The following ARHGAP45 variants were observed in gnomAD, a reference collection of about 807,000 sequenced individuals.
ARHGAP45 encodes rho GTPase-activating protein 45.
A neutral mutation model predicts 116.1 loss-of-function variants in ARHGAP45; 56 were observed. The ratio of observed to expected loss-of-function variants is 0.48; its 90% confidence interval spans 0.39 to 0.60. The LOEUF (loss-of-function observed/expected upper bound fraction) is 0.60. Ranked by LOEUF, ARHGAP45 falls within the 20% of genes least tolerant of loss-of-function variation. The pLI is 0.00. For missense variants in ARHGAP45, 1,622 were observed against 1,601.0 expected, an observed-to-expected ratio of 1.01 and a Z score of -0.22; for synonymous variants, 866 against 701.7, an observed-to-expected ratio of 1.23 and a Z score of -3.70.
In ARHGAP45 at chr19:1,073,765, G is replaced by A. The variant is rs1298200529; in HGVS notation, c.723+19G>A. ...GAGCCAGGTGAGTGGGGTGGGCCAG[G>A]GCCACCTGTGTCCAGCTTCTGGAGG... On this transcript the variant is annotated intron_variant, in intron 5 of 22. Transcript: ENST00000313093. 3 of 1,570,922 alleles carry A rather than the reference G, an allele frequency of 1.9e-6. No homozygotes were observed. The highest frequency in any genetic ancestry group is 4.7e-5 in the East Asian group (2 of 42,568).
At chr19:1,078,268 C>T (rs368193332) in intron 11 of ARHGAP45, among the ~76,000 whole-genome samples, 13 of 151,462 alleles carry the variant, frequency 8.6e-5, no homozygotes, top group South Asian at 8.4e-4. Context: ...CTCAGCCTCC[C>T]GAGTAGCTGG....
At chr19:1,083,544 C>T (rs979458715) in intron 21 of ARHGAP45, among the ~76,000 whole-genome samples, 191 bp downstream of exon 21, 1 of 152,214 alleles carries the variant, frequency 6.6e-6, no homozygotes, top group Admixed American at 6.5e-5. Context: ...TGCATTGAAT[C>T]TGGCAGAGGT....
At chr19:1,080,201 G>T in intron 13 of ARHGAP45, 54 bp from the exon 14 acceptor site, 2 of 1,610,490 alleles carry the variant, frequency 1.2e-6, no homozygotes, top group Non-Finnish European at 1.7e-6. Flanking sequence ...GCATGAAGAT[G>T]AAGCTGTCTT....
chr19:1,070,325 T>G (rs1354094190), intron 2 of ARHGAP45, among the ~76,000 whole-genome samples: 3 of 138,054 alleles, frequency 2.2e-5, no homozygotes, highest in African/African-American at 8.7e-5. Context: ...TTTTCTTTTC[T>G]TTTCTTTTTT....
In ARHGAP45 at chr19:1,071,019, G is replaced by T. The variant is rs1049011761; in HGVS notation, c.422-2130G>T. ...AGGCAGCTAGGAGGGGACCCACATGGACGGTGCCACCCCGACACTTCCCGG... is the reference window on the plus strand; with the variant it reads ...AGGCAGCTAGGAGGGGACCCACATGTACGGTGCCACCCCGACACTTCCCGG... On this transcript the variant is annotated intron_variant, in intron 2 of 22. Coordinates refer to ENST00000313093, the MANE Select transcript of ARHGAP45 (RefSeq NM_012292.5). The surrounding 1 kb of genome is among the most constrained non-coding windows in gnomAD (Gnocchi z 4.6). 1.3e-5 allele frequency among the ~76,000 whole-genome samples: 2 copies of T among 152,202 alleles called. No individual in the cohort carries two copies. The highest frequency in any genetic ancestry group is 2.9e-5 in the Non-Finnish European group (2 of 68,024).
At chr19:1,082,028 TGG>T in intron 19 of ARHGAP45, 67 bp downstream of exon 19, 6 of 1,118,160 alleles carry the variant, frequency 5.4e-6, no homozygotes, top group Non-Finnish European at 6.7e-6. Flanking sequence ...GGAGGCGGGG[TGG>T]GGGTCCGGGA....
chr19:1,075,721 C>A (rs2269846), intron 10 of ARHGAP45, among the ~76,000 whole-genome samples: 1 of 151,990 alleles, frequency 6.6e-6, no homozygotes, highest in Admixed American at 6.6e-5. Flanking sequence ...TGCAATGATC[C>A]TCCCACCTCA....
chr19:1,071,750 C>G lies in ARHGAP45; in HGVS notation c.422-1399C>G, dbSNP rs1280783862. 2 of 152,260 alleles carry G rather than the reference C, an allele frequency of 1.3e-5. No homozygotes were observed. Among genetic ancestry groups the G allele is most frequent in the Admixed American group, 6.5e-5 (1 of 15,284 alleles). The allele number at this position is 152,260 out of a possible 1,614,324, so 9.4% of individuals were successfully genotyped here. A position where few individuals can be genotyped will look rare whatever the true frequency, so the allele number is the denominator to read the frequency against. On this transcript the variant is annotated intron_variant, in intron 2 of 22. Coordinates refer to ENST00000313093, the MANE Select transcript of ARHGAP45 (RefSeq NM_012292.5). The surrounding 1 kb of genome is among the most constrained non-coding windows in gnomAD (Gnocchi z 4.6). ...GGCCCGGCGGCGGCCAGCGGGGTATCTCTGGCGGGTGACTCGGTCGGTCTC... is the reference window on the plus strand; with the variant it reads ...GGCCCGGCGGCGGCCAGCGGGGTATGTCTGGCGGGTGACTCGGTCGGTCTC...
intron 11 of ARHGAP45, among the ~76,000 whole-genome samples, 200 bp from the exon 12 acceptor site, chr19:1,079,503 C>CAA (rs35895776): frequency 0.084 from 9,452 of 112,032 alleles, 998 homozygotes; most frequent in African/African-American, 0.27. Context: ...GACTCCATCT[C>CAA]AAAAAAAAAA....
intron 19 of ARHGAP45, 183 bp from the exon 20 acceptor site, chr19:1,082,657 G>T: frequency 3.5e-6 from 2 of 576,580 alleles, no homozygotes; most frequent in South Asian, 2.3e-5. Context: ...GCGTGGCCCG[G>T]GTAGGAGGGG....
intron 22 of ARHGAP45, among the ~76,000 whole-genome samples, chr19:1,084,586 G>A (rs1206879573): frequency 6.6e-6 from 1 of 152,228 alleles, no homozygotes; most frequent in Admixed American, 6.5e-5. Flanking sequence ...AACCAGTAAC[G>A]TGAACGTGGG....
At chr19:1,081,802 C>G (rs758676716) in intron 18 of ARHGAP45, 22 bp from the exon 19 acceptor site, 3 of 1,592,748 alleles carry the variant, frequency 1.9e-6, no homozygotes, top group African/African-American at 1.3e-5. Flanking sequence ...TGATGGGCCT[C>G]CCCACCCCCG....
At chr19:1,075,255 A>G (rs1438745225) in intron 10 of ARHGAP45, among the ~76,000 whole-genome samples, 1 of 22,780 alleles carries the variant, frequency 4.4e-5, no homozygotes, top group African/African-American at 1.8e-4. Flanking sequence ...TTTTTTTTTG[A>G]TACGGAGTCT....
At chr19:1,082,521 A>T in intron 19 of ARHGAP45, 1 of 412,644 alleles carries the variant, frequency 2.4e-6, no homozygotes, top group Non-Finnish European at 4.3e-6. Context: ...CTGGGATGGG[A>T]GTGGGACCAG....
chr19:1,070,319 C>T (rs1223855902), intron 2 of ARHGAP45, among the ~76,000 whole-genome samples: 10 of 110,334 alleles, frequency 9.1e-5, no homozygotes, highest in African/African-American at 1.5e-4. Context: ...CTTTCTTTTT[C>T]TTTTCTTTTC....
In ARHGAP45 at chr19:1,071,022, G is replaced by A. The variant is rs1358953480; in HGVS notation, c.422-2127G>A. Among the ~76,000 whole-genome samples, 1 of 152,202 alleles carries A rather than the reference G, an allele frequency of 6.6e-6. No homozygotes were observed. Among genetic ancestry groups the A allele is most frequent in the Non-Finnish European group, 1.5e-5 (1 of 68,028 alleles). ...CAGCTAGGAGGGGACCCACATGGAC[G>A]GTGCCACCCCGACACTTCCCGGGCT... is the stretch of plus-strand genomic sequence containing the variant. On this transcript the variant is annotated intron_variant, in intron 2 of 22. Transcript: ENST00000313093. This position sits in a 1 kb window ranked among gnomAD's most constrained non-coding sequence, Gnocchi z 4.6.
At chr19:1,078,388 CCA>C (rs1352827913) in intron 11 of ARHGAP45, among the ~76,000 whole-genome samples, 11 of 151,990 alleles carry the variant, frequency 7.2e-5, no homozygotes, top group South Asian at 4.2e-4. Flanking sequence ...CGTGATCCGT[CCA>C]CCTCGGCCTC....
At chr19:1,067,014 A>G (rs1242312776), upstream of ARHGAP45, among the ~76,000 whole-genome samples, 1 of 152,080 alleles carries the variant, frequency 6.6e-6, no homozygotes, top group African/African-American at 2.4e-5. Flanking sequence ...AGTGAGAGTC[A>G]GCGCCCTGCA....
rs1484159265 is a variant in ARHGAP45, at chr19:1,081,106, G to A, written c.2190+42G>A. 2.6e-6 allele frequency: 4 copies of A among 1,561,944 alleles called. No individual in the cohort carries two copies. The Admixed American group carries it at 7.4e-5, about 29-fold the overall frequency. On this transcript the variant is annotated intron_variant, in intron 17 of 22. Coordinates refer to ENST00000313093, the MANE Select transcript of ARHGAP45 (RefSeq NM_012292.5). Reference sequence around the variant, plus strand: ...GACGGACAGCTGGGAGCCTTCGGGAGCCTTTGGGGTGCCCAGCACCGCCGG... The same window carrying A: ...GACGGACAGCTGGGAGCCTTCGGGAACCTTTGGGGTGCCCAGCACCGCCGG...
Sources: allele counts gnomAD v4.1 joint callset (sites outside exome capture counted in the v4.1 genomes callset), GRCh38; gene constraint gnomAD v4.1.1; non-coding constraint Gnocchi (gnomAD v3.1); transcripts MANE v1.5; gene names NCBI Gene and HGNC (gene_info 2026-07-23, HGNC 2026-07-21).